Variants in TMCO4 observed in about 807,000 individuals in gnomAD.
TMCO4 encodes the protein transmembrane and coiled-coil domains 4.
In TMCO4, 58 loss-of-function variants were observed where a neutral mutation model predicts 64.7. The observed-to-expected ratio is 0.90, with a 90% CI of 0.73 to 1.12. TMCO4 has a LOEUF of 1.12. Among genes scored for constraint, TMCO4 ranks in the 50% most tolerant of loss-of-function variants. TMCO4 has a pLI of 0.00. For missense variants in TMCO4, 780 were observed against 825.9 expected, an observed-to-expected ratio of 0.94 and a Z score of 0.68; for synonymous variants, 325 against 346.1, an observed-to-expected ratio of 0.94 and a Z score of 0.68.
chr1:19,693,666 G>A (rs2095215235), intron 15 of TMCO4, among the ~76,000 whole-genome samples: 1 of 152,150 alleles, frequency 6.6e-6, no homozygotes, highest in South Asian at 2.1e-4. Context: ...TCTGCCCCTA[G>A]AGACTGATGT....
intron 4 of TMCO4, among the ~76,000 whole-genome samples, chr1:19,773,763 C>T (rs780293547): frequency 1.1e-4 from 17 of 152,102 alleles, no homozygotes; most frequent in South Asian, 2.1e-4. Flanking sequence ...TATAAAGGGC[C>T]GAAAGTGAGC....
intron 6 of TMCO4, among the ~76,000 whole-genome samples, chr1:19,765,549 A>C (rs957268606): frequency 2.7e-5 from 4 of 149,356 alleles, no homozygotes; most frequent in African/African-American, 7.4e-5. Context: ...CATGGCACAC[A>C]GAATAGCCCC....
Position 19,734,531 on chromosome 1 carries a change from G to T in TMCO4, c.1264+2841C>A, listed in dbSNP as rs1186853887. Among the ~76,000 whole-genome samples the T allele has an allele frequency of 2.0e-5, 3 of 152,108 alleles. No homozygotes were observed. The highest frequency in any genetic ancestry group is 2.9e-5 in the Non-Finnish European group (2 of 67,998). On this transcript the variant is annotated intron_variant, in intron 13 of 15. Coordinates refer to ENST00000294543, the MANE Select transcript of TMCO4 (RefSeq NM_181719.7). The surrounding 1 kb of genome is among the most constrained non-coding windows in gnomAD (Gnocchi z 4.4). ...ATCTTTCCCCAGCGTTGAACCAGTTGTTTCCAACTCCTTAGCCTGGCACAG... is the reference window on the plus strand; with the variant it reads ...ATCTTTCCCCAGCGTTGAACCAGTTTTTTCCAACTCCTTAGCCTGGCACAG...
rs6675761 is a variant in TMCO4, at chr1:19,755,022, G to A, written c.515+612C>T. On this transcript the variant is annotated intron_variant, in intron 7 of 15. Coordinates refer to ENST00000294543, the MANE Select transcript of TMCO4 (RefSeq NM_181719.7). ...AATTGAATCCAGGTCAATTGTGCCC[G>A]TGAACCAGGTGTCATAAGAGCCTGA... 8.0e-3 allele frequency among the ~76,000 whole-genome samples: 1,217 copies of A among 152,296 alleles called. 13 individuals carry two copies. Among genetic ancestry groups the A allele is most frequent in the African/African-American group, 0.027 (1,112 of 41,548 alleles).
At chr1:19,778,698 G>C (rs2043322518) in intron 4 of TMCO4, among the ~76,000 whole-genome samples, 1 of 152,232 alleles carries the variant, frequency 6.6e-6, no homozygotes, top group Non-Finnish European at 1.5e-5. Flanking sequence ...AAGTGGCAGA[G>C]TTAAGATTTG....
At chr1:19,746,768 C>T (rs1000258923) in intron 8 of TMCO4, among the ~76,000 whole-genome samples, 169 bp from the exon 9 acceptor site, 7 of 151,876 alleles carry the variant, frequency 4.6e-5, no homozygotes, top group Admixed American at 6.6e-5. Context: ...ACTAAAAACA[C>T]AAAAAATTAG....
At chr1:19,787,773 T>C (rs956246592) in intron 2 of TMCO4, among the ~76,000 whole-genome samples, 6 of 152,196 alleles carry the variant, frequency 3.9e-5, no homozygotes, top group Non-Finnish European at 5.9e-5. Context: ...TTTCTTTCTT[T>C]TTGAGACAGT....
chr1:19,693,068 G>A (rs1190192155), intron 15 of TMCO4, among the ~76,000 whole-genome samples: 1 of 149,004 alleles, frequency 6.7e-6, no homozygotes, highest in African/African-American at 2.5e-5. Context: ...AGCTACTCAG[G>A]AGGCTGGGGC....
At chr1:19,772,103 C>G (rs2043011926) in intron 4 of TMCO4, among the ~76,000 whole-genome samples, 1 of 152,162 alleles carries the variant, frequency 6.6e-6, no homozygotes, top group Non-Finnish European at 1.5e-5. Context: ...GGTGAAAAAC[C>G]TGGTATCTGA....
chr1:19,775,758 C>T (rs1570991656), intron 4 of TMCO4, among the ~76,000 whole-genome samples: 1 of 152,314 alleles, frequency 6.6e-6, no homozygotes, highest in East Asian at 1.9e-4. Flanking sequence ...AAGGGAACAG[C>T]ATCTGTGATG....
At chr1:19,716,828 G>T (rs2095359009) in intron 13 of TMCO4, among the ~76,000 whole-genome samples, 1 of 152,148 alleles carries the variant, frequency 6.6e-6, no homozygotes, top group Non-Finnish European at 1.5e-5. Context: ...AGGTATCCAT[G>T]GAGGCCCTGT....
At position 19,682,938 on chromosome 1, in the gene TMCO4, T is replaced by C. The variant is rs2095113592; in HGVS notation, c.*102A>G. On this transcript the variant is annotated 3_prime_UTR_variant, in exon 16 of 16. Coordinates refer to ENST00000294543, the MANE Select transcript of TMCO4 (RefSeq NM_181719.7). ...ATTCCTTCCATTTAGGAAAGAGGCC[T>C]GTGGAAATCCTGTACCTCCAGAGCT... The C allele has an allele frequency of 5.7e-6, 8 of 1,393,862 alleles. No individual in the cohort carries two copies. Among genetic ancestry groups the C allele is most frequent in the Admixed American group, 2.3e-5 (1 of 44,396 alleles). The allele number at this position is 1,393,862 out of a possible 1,614,324, so 86.3% of individuals were successfully genotyped here.
chr1:19,720,452 A>C lies in TMCO4; in HGVS notation c.1264+16920T>G, dbSNP rs192131141. Among the ~76,000 whole-genome samples the C allele has an allele frequency of 1.4e-3, 209 of 152,234 alleles. 1 individual carries two copies. Among genetic ancestry groups the C allele is most frequent in the African/African-American group, 4.7e-3 (197 of 41,554 alleles). ...GGAATTCAGATCCAGGCCTGGCTGC[A>C]GGTGCCTTCTGCTCCAGGCCTGCCT... is the stretch of plus-strand genomic sequence containing the variant. On this transcript the variant is annotated intron_variant, in intron 13 of 15. Coordinates refer to ENST00000294543, the MANE Select transcript of TMCO4 (RefSeq NM_181719.7).
In TMCO4 at chr1:19,725,032, T is replaced by A. The variant is rs149964998; in HGVS notation, c.1264+12340A>T. ...GCCTCGGCCTCCCAAAGTGCTGGGA[T>A]TACAGGTGTGAGTGCTCCTTCTTTC... On this transcript the variant is annotated intron_variant, in intron 13 of 15. Coordinates refer to ENST00000294543, the MANE Select transcript of TMCO4 (RefSeq NM_181719.7). Among the ~76,000 whole-genome samples, 591 of 152,298 alleles carry A rather than the reference T, an allele frequency of 3.9e-3. 1 individual carries two copies. Among genetic ancestry groups the A allele is most frequent in the African/African-American group, 0.013 (546 of 41,558 alleles).
chr1:19,721,855 GC>G (rs1254484654), intron 13 of TMCO4, among the ~76,000 whole-genome samples: 15 of 152,164 alleles, frequency 9.9e-5, no homozygotes, highest in South Asian at 6.2e-4. Flanking sequence ...AAAGTCCAGG[GC>G]CAAACCTGGA....
At chr1:19,744,723 T>C (rs1438558855) in intron 10 of TMCO4, among the ~76,000 whole-genome samples, 1 of 152,146 alleles carries the variant, frequency 6.6e-6, no homozygotes, top group Non-Finnish European at 1.5e-5. Context: ...TTTCTGCTCC[T>C]GGTTTATCGG....
intron 11 of TMCO4, among the ~76,000 whole-genome samples, chr1:19,740,189 C>T (rs1416310326): frequency 6.6e-6 from 1 of 152,186 alleles, no homozygotes. Flanking sequence ...GGCCCCAATT[C>T]GTCTCCACAC....
intron 2 of TMCO4, 27 bp from the exon 3 acceptor site, chr1:19,787,144 C>G (rs1160672102): frequency 6.6e-6 from 1 of 152,334 alleles, no homozygotes; most frequent in Non-Finnish European, 1.5e-5. Flanking sequence ...GAAAAACCAG[C>G]CTGTGGGTCC....
At chr1:19,798,657 A>G (rs140280968) in intron 1 of TMCO4, among the ~76,000 whole-genome samples, 1 of 152,292 alleles carries the variant, frequency 6.6e-6, no homozygotes, top group East Asian at 1.9e-4. Flanking sequence ...AGGCCACTCT[A>G]ATACCGATCT....
Sources: gnomAD v4.1 joint callset for allele counts (sites outside exome capture counted in the v4.1 genomes callset) on GRCh38, gnomAD v4.1.1 for gene constraint, Gnocchi (gnomAD v3.1) non-coding constraint, MANE v1.5 for transcripts, NCBI Gene and HGNC (gene_info 2026-07-23, HGNC 2026-07-21) for gene names.